KCNAB2: variants seen among roughly 807,000 people sequenced by gnomAD.
KCNAB2 encodes the protein potassium voltage-gated channel subfamily A regulatory beta subunit 2.
KCNAB2 carries 29 observed loss-of-function variants against 63.6 expected under a neutral mutation model. The observed-to-expected ratio is 0.46, with a 90% CI of 0.34 to 0.62. The LOEUF (loss-of-function observed/expected upper bound fraction) is 0.62, where lower values mean the gene tolerates loss of function less well. Among genes scored for constraint, KCNAB2 ranks in the 20% least tolerant of loss-of-function variants. The pLI is 0.01. For missense variants in KCNAB2, 359 were observed against 563.9 expected, an observed-to-expected ratio of 0.64 and a Z score of 3.68; for synonymous variants, 222 against 224.2, an observed-to-expected ratio of 0.99 and a Z score of 0.09.
At chr1:6,038,692 C>CCCAG (rs1660250673) in intron 1 of KCNAB2, among the ~76,000 whole-genome samples, 1 of 152,200 alleles carries the variant, frequency 6.6e-6, no homozygotes, top group East Asian at 1.9e-4. Context: ...CTGCCTTGAC[C>CCCAG]CCAGGGACAG....
chr1:5,999,972 C>T (rs924765729), intron 1 of KCNAB2, among the ~76,000 whole-genome samples: 5 of 151,970 alleles, frequency 3.3e-5, no homozygotes, highest in Middle Eastern at 3.4e-3. Flanking sequence ...ACCCTGCCTG[C>T]ACCCCATCCA....
At chr1:6,060,679 C>T (rs1376175107) in intron 2 of KCNAB2, among the ~76,000 whole-genome samples, 1 of 152,076 alleles carries the variant, frequency 6.6e-6, no homozygotes, top group Non-Finnish European at 1.5e-5. Context: ...AGGCAGGTGG[C>T]GGATCACAAG....
rs1372288915 is a variant in KCNAB2, at chr1:6,101,061, G to GCTAA, written c.*2490_*2493dup. On this transcript the variant is annotated 3_prime_UTR_variant, in exon 16 of 16. Transcript: ENST00000378083. The stretch of plus-strand genomic sequence containing the variant: ...TTTTTAAACCTACCGTGGTTCCTCA[G>GCTAA]CTAACTGCATTCCCTACCCAGGCAG... 6.6e-6 allele frequency: 1 copy of GCTAA among 151,958 alleles called. No individual in the cohort carries two copies. The highest frequency in any genetic ancestry group is 1.5e-5 in the Non-Finnish European group (1 of 68,010). 9.4% of individuals were successfully genotyped at this position (151,958 alleles called of 1,614,324 possible). A position where few individuals can be genotyped will look rare whatever the true frequency, so the allele number is the denominator to read the frequency against.
chr1:6,012,115 G>T (rs1658191319), intron 1 of KCNAB2, among the ~76,000 whole-genome samples: 1 of 151,364 alleles, frequency 6.6e-6, no homozygotes, highest in African/African-American at 2.4e-5. Flanking sequence ...GATGGGTGGA[G>T]GTGATGAAGG....
intron 1 of KCNAB2, among the ~76,000 whole-genome samples, chr1:6,002,662 A>ATCAGGTG (rs1408254464): frequency 6.6e-6 from 1 of 152,148 alleles, no homozygotes; most frequent in Non-Finnish European, 1.5e-5. Flanking sequence ...GCACGTCCCC[A>ATCAGGTG]TCAGGTGTTC....
rs1246760152 is a variant in KCNAB2 at position 5,994,173 on chromosome 1, C to T, written c.-53+1385C>T. 1.3e-5 allele frequency among the ~76,000 whole-genome samples: 2 copies of T among 152,168 alleles called. No individual in the cohort carries two copies. Among genetic ancestry groups the T allele is most frequent in the African/African-American group, 4.8e-5 (2 of 41,436 alleles). On this transcript the variant is annotated intron_variant, in intron 1 of 16. Coordinates refer to the KCNAB2 transcript ENST00000341524. This position sits in a 1 kb window ranked among gnomAD's most constrained non-coding sequence, Gnocchi z 5.4. ...TTTCTCTGCAACTTCTCCTCCCCGA[C>T]AAAAACCCCAGCCTCACCCCTCCCC...
At chr1:6,082,955 G>A (rs1257688177) in intron 5 of KCNAB2, among the ~76,000 whole-genome samples, 2 of 152,186 alleles carry the variant, frequency 1.3e-5, no homozygotes, top group African/African-American at 4.8e-5. Context: ...TTGGCCCGCA[G>A]CTGCTTCGTG....
chr1:6,030,878 A>G (rs1396676574), upstream of KCNAB2, among the ~76,000 whole-genome samples: 2 of 149,428 alleles, frequency 1.3e-5, no homozygotes, highest in Non-Finnish European at 3.0e-5. Flanking sequence ...AGGTGTGTGT[A>G]TGTATGTGTA....
chr1:6,002,458 G>T (rs1657309870), intron 1 of KCNAB2, among the ~76,000 whole-genome samples: 1 of 152,248 alleles, frequency 6.6e-6, no homozygotes, highest in Non-Finnish European at 1.5e-5. Context: ...TGCCACGGCA[G>T]CTGTGGCCTG....
chr1:6,049,198 G>A (rs368231314), intron 1 of KCNAB2, among the ~76,000 whole-genome samples: 4 of 152,242 alleles, frequency 2.6e-5, no homozygotes, highest in Non-Finnish European at 5.9e-5. Flanking sequence ...AAATGCCCAG[G>A]TATAGCCCTG....
chr1:6,036,857 C>T (rs933764135), intron 1 of KCNAB2, among the ~76,000 whole-genome samples: 8 of 152,036 alleles, frequency 5.3e-5, no homozygotes, highest in Non-Finnish European at 7.4e-5. Flanking sequence ...GAGAGGATGC[C>T]GTAGAGCAGG....
At chr1:6,032,570 T>TG (rs1487466119), upstream of KCNAB2, among the ~76,000 whole-genome samples, 1 of 116,420 alleles carries the variant, frequency 8.6e-6, no homozygotes, top group Non-Finnish European at 1.9e-5. Flanking sequence ...ACTGAGACTC[T>TG]GTTAAAAAAA....
upstream of KCNAB2, among the ~76,000 whole-genome samples, chr1:6,030,806 GTGTGTGTATA>G (rs1222712976): frequency 6.6e-6 from 1 of 150,844 alleles, no homozygotes; most frequent in African/African-American, 2.5e-5. Context: ...GTGTGTAGGT[GTGTGTGTATA>G]TGTGTGTATG....
chr1:6,037,831 G>A (rs999427801), intron 1 of KCNAB2, among the ~76,000 whole-genome samples: 1 of 150,740 alleles, frequency 6.6e-6, no homozygotes, highest in Non-Finnish European at 1.5e-5. Flanking sequence ...AAAGTTCTGG[G>A]ATTACAGGCA....
rs916890398 is a variant in KCNAB2 at position 6,073,424 on chromosome 1, G to A, written c.263-309G>A. Among the ~76,000 whole-genome samples, 1 of 152,186 alleles carries A rather than the reference G, an allele frequency of 6.6e-6. No individual in the cohort carries two copies. The highest frequency in any genetic ancestry group is 2.4e-5 in the African/African-American group (1 of 41,430). ...AGGCATCCCTTGTGCCATTTCTTGCGGCATGTCCTTGGAACTAGAGCTGCC... is the reference window on the plus strand; with the variant it reads ...AGGCATCCCTTGTGCCATTTCTTGCAGCATGTCCTTGGAACTAGAGCTGCC... On this transcript the variant is annotated intron_variant, in intron 3 of 15. Coordinates refer to ENST00000378083, the MANE Select transcript of KCNAB2 (RefSeq NM_001199862.2). The surrounding 1 kb of genome is among the most constrained non-coding windows in gnomAD (Gnocchi z 5.7).
intron 1 of KCNAB2, among the ~76,000 whole-genome samples, chr1:6,004,997 GGAGCTGAGCT>G (rs1557921057): frequency 1.1e-4 from 14 of 123,730 alleles, no homozygotes; most frequent in Non-Finnish European, 1.8e-4. Flanking sequence ...CAGAGATCTG[GGAGCTGAGCT>G]AAGGGGTGAG....
chr1:6,004,846 C>G lies in KCNAB2; in HGVS notation c.-53+12058C>G, dbSNP rs532652845. Among the ~76,000 whole-genome samples, 7 of 151,354 alleles carry G rather than the reference C, an allele frequency of 4.6e-5. No homozygotes were observed. The South Asian group carries it at 1.3e-3, about 27-fold the overall frequency. ...TACCCCCGAGTCCCACCTCCAGCCC[C>G]GTCTCCCTCCAGAGTCTGGCTGCTT... On this transcript the variant is annotated intron_variant, in intron 1 of 16. Coordinates refer to the KCNAB2 transcript ENST00000341524.
intron 2 of KCNAB2, among the ~76,000 whole-genome samples, chr1:6,063,028 G>A (rs1662449568): frequency 6.8e-6 from 1 of 147,508 alleles, no homozygotes; most frequent in Non-Finnish European, 1.5e-5. Context: ...TCGCCTATTT[G>A]GATTTTTTTT....
intron 1 of KCNAB2, among the ~76,000 whole-genome samples, chr1:6,036,435 G>A (rs1374720941): frequency 4.6e-5 from 7 of 152,148 alleles, no homozygotes; most frequent in South Asian, 4.1e-4. Context: ...CCCAGGAGGC[G>A]GAGGTTGCAG....
Sources: allele counts gnomAD v4.1 joint callset (sites outside exome capture counted in the v4.1 genomes callset), GRCh38; gene constraint gnomAD v4.1.1; non-coding constraint Gnocchi (gnomAD v3.1); transcripts MANE v1.5; gene names NCBI Gene and HGNC (gene_info 2026-07-23, HGNC 2026-07-21).